The following CHL1 variants were observed in gnomAD, a reference collection of about 807,000 sequenced individuals.
The protein encoded by CHL1 is cell adhesion molecule L1 like.
Under a neutral mutation model 141.9 loss-of-function variants are expected in CHL1, and 96 were observed. That is an observed-to-expected ratio of 0.68 (90% confidence interval 0.57 to 0.80). The LOEUF (loss-of-function observed/expected upper bound fraction) is 0.80, where lower values mean the gene tolerates loss of function less well. Among genes scored for constraint, CHL1 ranks in the 30% least tolerant of loss-of-function variants. The pLI is 0.00. For synonymous variants in CHL1, 613 were observed against 502.2 expected (o/e 1.22, Z -2.95); for missense variants, 1,820 against 1,457.2 (o/e 1.25, Z -4.05).
chr3:220,611 C>T (rs1289953253), intron 1 of CHL1, among the ~76,000 whole-genome samples: 4 of 152,002 alleles, frequency 2.6e-5, no homozygotes, highest in Admixed American at 1.3e-4. Flanking sequence ...GGATTTTACA[C>T]CTATGCATGT....
chr3:352,063 T>C (rs1266218224), intron 10 of CHL1, among the ~76,000 whole-genome samples: 2 of 152,178 alleles, frequency 1.3e-5, no homozygotes, highest in African/African-American at 2.4e-5. Flanking sequence ...CTTTGAATTT[T>C]AGTAAGTGAA....
intron 1 of CHL1, among the ~76,000 whole-genome samples, chr3:218,324 C>A (rs1009447347): frequency 3.3e-5 from 5 of 152,166 alleles, no homozygotes; most frequent in Non-Finnish European, 7.3e-5. Flanking sequence ...AGATGAAAGA[C>A]CCTTTCCATT....
At chr3:321,400 A>G (rs1700552230) in intron 3 of CHL1, among the ~76,000 whole-genome samples, 1 of 152,064 alleles carries the variant, frequency 6.6e-6, no homozygotes, top group Non-Finnish European at 1.5e-5. Context: ...TTTTGTAGAA[A>G]TTCTGGTCGG....
chr3:258,868 CT>C lies in CHL1; in HGVS notation c.-95+14187del, dbSNP rs763713997. Among the ~76,000 whole-genome samples the C allele has an allele frequency of 4.2e-3, 599 of 143,818 alleles. 4 individuals carry two copies. Among genetic ancestry groups the C allele is most frequent in the Middle Eastern group, 0.011 (3 of 282 alleles). The allele number at this position is 143,818 out of a possible 152,430, so 94.4% of individuals were successfully genotyped here. Reference sequence around the variant, plus strand: ...ATCACATTGTTATTAACTAAGTCCCCTTTTTTTTTTTATAAAGAAGGTACTA... The same window carrying C: ...ATCACATTGTTATTAACTAAGTCCCCTTTTTTTTTTATAAAGAAGGTACTA... On this transcript the variant is annotated intron_variant, in intron 2 of 27. Transcript: ENST00000256509.
In CHL1 at chr3:363,367, C is replaced by G. The variant is rs755129975; in HGVS notation, c.1569C>G (p.Ala523=). The change falls in exon 14 of 28, where the codon GCC becomes GCG. Residue 523 remains alanine, a synonymous_variant. Transcript: ENST00000256509. ...CTATAGGAAAAACTGCAGTCACAGC[C>G]AATTTGGATATTAGAAGTATTTTTA... ...ENAIGKTAVT[A]NLDIRNATKL... 6.2e-7 allele frequency: 1 copy of G among 1,610,104 alleles called. No homozygotes were observed. The highest frequency in any genetic ancestry group is 8.5e-7 in the Non-Finnish European group (1 of 1,178,608).
In CHL1 at chr3:383,826, G is replaced by T; in HGVS notation, c.2187G>T (p.Arg729Ser). The stretch of plus-strand genomic sequence containing the variant: ...TTTTTAATTTTTCAGCTCCAGATAG[G>T]AATCCACAAAACATAAGGGTTCAAG... ...HHETPPAAPD[R>S]NPQNIRVQAS... is the part of the protein sequence containing the mutation. Residue 729 changes from arginine to serine, a missense_variant, in exon 19 of 28, where the codon AGG becomes AGT. Coordinates refer to ENST00000256509, the MANE Select transcript of CHL1 (RefSeq NM_006614.4). 1 of 1,609,344 alleles carries T rather than the reference G, an allele frequency of 6.2e-7. No individual in the cohort carries two copies. Among genetic ancestry groups the T allele is most frequent in the South Asian group, 1.1e-5 (1 of 90,726 alleles).
At chr3:354,381 C>G (rs907129261) in intron 10 of CHL1, among the ~76,000 whole-genome samples, 1 of 151,494 alleles carries the variant, frequency 6.6e-6, no homozygotes, top group Non-Finnish European at 1.5e-5. Context: ...TTGTATATAA[C>G]TATTTTCAGT....
intron 11 of CHL1, among the ~76,000 whole-genome samples, chr3:358,600 T>A (rs1703928332): frequency 6.6e-6 from 1 of 152,114 alleles, no homozygotes; most frequent in Admixed American, 6.6e-5. Context: ...GTCATTCCAA[T>A]AAGTATTTAC....
intron 2 of CHL1, among the ~76,000 whole-genome samples, chr3:274,883 C>G (rs1388146781): frequency 6.6e-6 from 1 of 152,190 alleles, no homozygotes; most frequent in Non-Finnish European, 1.5e-5. Context: ...TCTGTATATA[C>G]TACTGTGATC....
Position 409,227 on chromosome 3 carries a change from G to A in CHL1, c.*3516G>A, listed in dbSNP as rs1709715565. ...CGTCATCAAAAGAGATGAAAGGTAT[G>A]TAGAACAGGTTCACGTGATTACCTT... On this transcript the variant is annotated 3_prime_UTR_variant, in exon 28 of 28. Transcript: ENST00000256509. The A allele has an allele frequency of 6.6e-6, 1 of 152,078 alleles. No individual in the cohort carries two copies. Among genetic ancestry groups the A allele is most frequent in the Admixed American group, 6.6e-5 (1 of 15,242 alleles). 9.4% of individuals were successfully genotyped at this position (152,078 alleles called of 1,614,324 possible).
At chr3:261,502 T>G (rs34280780) in intron 2 of CHL1, among the ~76,000 whole-genome samples, 45,167 of 152,142 alleles carry the variant, frequency 0.3, 7,297 homozygotes, top group African/African-American at 0.42. Flanking sequence ...AATCATATTC[T>G]ATCTTTAAAT....
chr3:335,591 TC>T (rs2125113968), intron 5 of CHL1, among the ~76,000 whole-genome samples: 1 of 152,310 alleles, frequency 6.6e-6, no homozygotes, highest in South Asian at 2.1e-4. Flanking sequence ...CCTGGAAAGC[TC>T]ACCAGGCCAG....
At chr3:358,086 C>G (rs1320871670) in intron 11 of CHL1, among the ~76,000 whole-genome samples, 1 of 152,160 alleles carries the variant, frequency 6.6e-6, no homozygotes, top group Non-Finnish European at 1.5e-5. Flanking sequence ...AATTAAATTA[C>G]CATAAACTTA....
In CHL1 at chr3:294,586, C is replaced by T. The variant is rs376851718; in HGVS notation, c.-94-25097C>T. 2.0e-4 allele frequency among the ~76,000 whole-genome samples: 31 copies of T among 152,274 alleles called. No homozygotes were observed. In the East Asian group the frequency reaches 3.5e-3, roughly 17 times the overall value. ...ATCATTTTCTTTTTTTCCACATTCA[C>T]TATTGTTCCTAGATTATGAAAGGTA... On this transcript the variant is annotated intron_variant, in intron 2 of 27. Transcript: ENST00000256509.
Position 366,143 on chromosome 3 carries a change from A to G in CHL1, c.1751+28A>G, listed in dbSNP as rs1425685773. 2.5e-6 allele frequency: 4 copies of G among 1,601,554 alleles called. No individual in the cohort carries two copies. The South Asian group carries it at 3.4e-5, about 13-fold the overall frequency. ...AGGTAAACTATTATGATATGTCATA[A>G]TATTTGCTTGGGGTAAACAACTTGC... On this transcript the variant is annotated intron_variant, in intron 15 of 27. Coordinates refer to ENST00000256509, the MANE Select transcript of CHL1 (RefSeq NM_006614.4).
At chr3:218,995 A>G (rs778427592) in intron 1 of CHL1, among the ~76,000 whole-genome samples, 4 of 152,032 alleles carry the variant, frequency 2.6e-5, no homozygotes, top group Admixed American at 1.3e-4. Flanking sequence ...AAAAATACAA[A>G]AAAATTAGCT....
In CHL1 at chr3:406,517, C is replaced by G. The variant is rs1488568563; in HGVS notation, c.*806C>G. 6.6e-6 allele frequency: 1 copy of G among 151,850 alleles called. No homozygotes were observed. The highest frequency in any genetic ancestry group is 2.4e-5 in the African/African-American group (1 of 41,328). 9.4% of individuals were successfully genotyped at this position (151,850 alleles called of 1,614,324 possible). On this transcript the variant is annotated 3_prime_UTR_variant, in exon 28 of 28. Transcript: ENST00000256509. ...TTCAGGATTCTAATAGCTACATCTACTTAATATCTTCATTTCTAAATTGAC... is the reference window on the plus strand; with the variant it reads ...TTCAGGATTCTAATAGCTACATCTAGTTAATATCTTCATTTCTAAATTGAC...
chr3:296,245 C>T (rs1481042516), intron 2 of CHL1, among the ~76,000 whole-genome samples: 1 of 152,124 alleles, frequency 6.6e-6, no homozygotes, highest in Non-Finnish European at 1.5e-5. Context: ...AAGACCTATC[C>T]TCCATATACA....
chr3:405,978 C>T lies in CHL1; in HGVS notation c.*267C>T, dbSNP rs1367396719. The T allele has an allele frequency of 1.1e-5, 4 of 369,692 alleles. No homozygotes were observed. Among genetic ancestry groups the T allele is most frequent in the Non-Finnish European group, 2.0e-5 (4 of 197,936 alleles). 22.9% of individuals were successfully genotyped at this position (369,692 alleles called of 1,614,324 possible). A position where few individuals can be genotyped will look rare whatever the true frequency, so the allele number is the denominator to read the frequency against. On this transcript the variant is annotated 3_prime_UTR_variant, in exon 28 of 28. Coordinates refer to ENST00000256509, the MANE Select transcript of CHL1 (RefSeq NM_006614.4). ...AATCCTGCATTTAGATACACCTCAA[C>T]TAAATCCAAAGTCCCCATTCAGTAT...
Sources: allele counts gnomAD v4.1 joint callset (sites outside exome capture counted in the v4.1 genomes callset), GRCh38; gene constraint gnomAD v4.1.1; transcripts MANE v1.5; gene names NCBI Gene and HGNC (gene_info 2026-07-23, HGNC 2026-07-21).